Variants in MED27 observed in about 807,000 individuals in gnomAD.
MED27 encodes the protein mediator complex subunit 27.
A neutral mutation model predicts 38.2 loss-of-function variants in MED27; 30 were observed. The observed-to-expected ratio is 0.79, with a 90% CI of 0.59 to 1.07. MED27 has a LOEUF of 1.07. Ranked by LOEUF, MED27 falls within the 50% of genes least tolerant of loss-of-function variation. The probability of loss-of-function intolerance (pLI) is 0.00; values close to 1 mark genes in which losing one functional copy is unlikely to be tolerated. For synonymous variants in MED27, 122 were observed against 153.5 expected, an observed-to-expected ratio of 0.79 and a Z score of 1.52; for missense variants, 289 against 397.5, an observed-to-expected ratio of 0.73 and a Z score of 2.32.
rs1839188248 is a variant in MED27 at position 131,889,214 on chromosome 9, A to G, written c.681+4671T>C. ...AGTGGGAAGAATGCAGGGATCAGAA[A>G]TTACCCTGGAGACAGCTCTGGCTGT... On this transcript the variant is annotated intron_variant, in intron 5 of 7. Transcript: ENST00000292035. This position sits in a 1 kb window ranked among gnomAD's most constrained non-coding sequence, Gnocchi z 4.2. 6.6e-6 allele frequency among the ~76,000 whole-genome samples: 1 copy of G among 152,214 alleles called. No homozygotes were observed. Among genetic ancestry groups the G allele is most frequent in the African/African-American group, 2.4e-5 (1 of 41,470 alleles).
chr9:131,869,006 C>A lies in MED27; in HGVS notation c.724-5866G>T, dbSNP rs546780780. 6.1e-6 allele frequency: 6 copies of A among 985,456 alleles called. No individual in the cohort carries two copies. In the South Asian group the frequency reaches 2.3e-4, roughly 39 times the overall value. The allele number at this position is 985,456 out of a possible 1,614,324, so 61.0% of individuals were successfully genotyped here. A position where few individuals can be genotyped will look rare whatever the true frequency, so the allele number is the denominator to read the frequency against. On this transcript the variant is annotated intron_variant, in intron 6 of 7. Coordinates refer to ENST00000292035, the MANE Select transcript of MED27 (RefSeq NM_004269.4). ...CCTAATTAGTTTTTCCATTGCTGGTCGGCAATCTGGCCAAACTCAGCCTCT... is the reference window on the plus strand; with the variant it reads ...CCTAATTAGTTTTTCCATTGCTGGTAGGCAATCTGGCCAAACTCAGCCTCT...
At chr9:131,951,160 T>C (rs900934185) in intron 3 of MED27, among the ~76,000 whole-genome samples, 1 of 152,164 alleles carries the variant, frequency 6.6e-6, no homozygotes, top group East Asian at 1.9e-4. Context: ...CCCCAACCTC[T>C]TAAGTGAATT....
At chr9:132,031,401 A>G (rs1832957138) in intron 2 of MED27, among the ~76,000 whole-genome samples, 1 of 152,258 alleles carries the variant, frequency 6.6e-6, no homozygotes, top group African/African-American at 2.4e-5. Flanking sequence ...ATGGTGGTCT[A>G]TAAAAGTTAA....
intron 3 of MED27, among the ~76,000 whole-genome samples, chr9:131,973,409 G>A (rs149104976): frequency 1.8e-4 from 28 of 151,868 alleles, no homozygotes; most frequent in Middle Eastern, 3.4e-3. Flanking sequence ...GAAATCGGCC[G>A]CAGGGCTTCT....
intron 2 of MED27, among the ~76,000 whole-genome samples, chr9:132,030,669 T>A (rs562191925): frequency 1.3e-5 from 2 of 152,162 alleles, no homozygotes; most frequent in African/African-American, 4.8e-5. Flanking sequence ...TATAGACCCA[T>A]TAAATCAAAA....
intron 3 of MED27, among the ~76,000 whole-genome samples, chr9:131,952,697 C>T (rs1487973594): frequency 6.6e-6 from 1 of 152,208 alleles, no homozygotes; most frequent in Non-Finnish European, 1.5e-5. Flanking sequence ...GAACTGGCTA[C>T]AACCCTCATC....
At chr9:132,036,584 A>T (rs1266018931) in intron 2 of MED27, among the ~76,000 whole-genome samples, 2 of 152,204 alleles carry the variant, frequency 1.3e-5, no homozygotes, top group Non-Finnish European at 2.9e-5. Context: ...CTGAGAAAAG[A>T]GCATGGCTCT....
intron 2 of MED27, among the ~76,000 whole-genome samples, chr9:132,020,970 C>T (rs943334188): frequency 3.9e-5 from 6 of 152,146 alleles, no homozygotes; most frequent in Non-Finnish European, 7.3e-5. Context: ...CCTATTTGTT[C>T]TCTCCTGGAA....
intron 3 of MED27, among the ~76,000 whole-genome samples, chr9:132,004,070 C>T (rs1832300284): frequency 6.6e-6 from 1 of 152,084 alleles, no homozygotes; most frequent in African/African-American, 2.4e-5. Flanking sequence ...CAGGCCAGTG[C>T]TTCTAAAGAT....
chr9:131,983,757 C>T (rs1831789510), intron 3 of MED27, among the ~76,000 whole-genome samples: 1 of 152,074 alleles, frequency 6.6e-6, no homozygotes, highest in South Asian at 2.1e-4. Context: ...TTGAAATAAC[C>T]GAATTCATCT....
At chr9:131,876,726 G>A (rs564594051) in intron 6 of MED27, among the ~76,000 whole-genome samples, 1 of 152,220 alleles carries the variant, frequency 6.6e-6, no homozygotes, top group African/African-American at 2.4e-5. Flanking sequence ...ACCGTCTGCC[G>A]CCGCTCCTTC....
intron 4 of MED27, among the ~76,000 whole-genome samples, chr9:131,900,438 A>G (rs952147666): frequency 1.3e-5 from 2 of 152,248 alleles, no homozygotes; most frequent in African/African-American, 4.8e-5. Flanking sequence ...GACGTCTAAC[A>G]AAAACCTAAC....
In MED27 at chr9:131,869,276, T is replaced by C. The variant is rs376886339; in HGVS notation, c.724-6136A>G. 40 of 985,410 alleles carry C rather than the reference T, an allele frequency of 4.1e-5. No homozygotes were observed. The African/African-American group carries it at 5.8e-4, about 14-fold the overall frequency. The allele number at this position is 985,410 out of a possible 1,614,324, so 61.0% of individuals were successfully genotyped here. ...GAGCACAGGAGAACTTCACCTACAG[T>C]GATCTTCCGTCTTGTCAAAGCACTC... On this transcript the variant is annotated intron_variant, in intron 6 of 7. Coordinates refer to ENST00000292035, the MANE Select transcript of MED27 (RefSeq NM_004269.4).
intron 2 of MED27, among the ~76,000 whole-genome samples, chr9:132,025,440 C>T (rs1316196112): frequency 2.6e-5 from 4 of 152,206 alleles, no homozygotes; most frequent in African/African-American, 9.7e-5. Flanking sequence ...CCTCGACCTC[C>T]CAAAGTGTTG....
At chr9:131,948,384 G>C (rs1215995296) in intron 3 of MED27, among the ~76,000 whole-genome samples, 3 of 151,814 alleles carry the variant, frequency 2.0e-5, no homozygotes, top group Non-Finnish European at 4.4e-5. Context: ...CTACTCAGGA[G>C]GCTGAGGCAC....
chr9:131,942,676 C>T (rs1035168693), intron 3 of MED27, among the ~76,000 whole-genome samples: 12 of 152,118 alleles, frequency 7.9e-5, no homozygotes, highest in African/African-American at 2.4e-4. Context: ...ACCTTGAAGG[C>T]GTCAAGATAC....
intron 3 of MED27, among the ~76,000 whole-genome samples, chr9:131,973,457 C>CTTTCT (rs1831528520): frequency 8.2e-6 from 1 of 122,172 alleles, no homozygotes; most frequent in Non-Finnish European, 1.7e-5. Flanking sequence ...TTTTTCTTTT[C>CTTTCT]TTTTTTTTTT....
At chr9:132,041,903 T>C (rs1833222753) in intron 2 of MED27, among the ~76,000 whole-genome samples, 10 of 152,256 alleles carry the variant, frequency 6.6e-5, no homozygotes, top group Admixed American at 6.5e-4. Flanking sequence ...ATACTCTTGA[T>C]AATGAGTTTC....
At chr9:131,870,372 C>T (rs1470899694) in intron 6 of MED27, among the ~76,000 whole-genome samples, 1 of 152,198 alleles carries the variant, frequency 6.6e-6, no homozygotes, top group Non-Finnish European at 1.5e-5. Context: ...ACATACAGAC[C>T]TCAAGTGTAC....
Sources: gnomAD v4.1 joint callset for allele counts (sites outside exome capture counted in the v4.1 genomes callset) on GRCh38, gnomAD v4.1.1 for gene constraint, Gnocchi (gnomAD v3.1) non-coding constraint, MANE v1.5 for transcripts, NCBI Gene and HGNC (gene_info 2026-07-23, HGNC 2026-07-21) for gene names.